The following TBC1D12 variants were observed in gnomAD, a reference collection of about 807,000 sequenced individuals.
TBC1D12 encodes the protein TBC1 domain family, member 12.
A neutral mutation model predicts 86.7 loss-of-function variants in TBC1D12; 56 were observed. The observed-to-expected ratio is 0.65, with a 90% CI of 0.52 to 0.81. TBC1D12 has a LOEUF of 0.81. Among genes scored for constraint, TBC1D12 ranks in the 30% least tolerant of loss-of-function variants. The pLI is 0.00. For missense variants in TBC1D12, 1,023 were observed against 1,038.8 expected, an observed-to-expected ratio of 0.98 and a Z score of 0.21; for synonymous variants, 421 against 411.7, an observed-to-expected ratio of 1.02 and a Z score of -0.27.
At chr10:94,504,936 GTAA>G (rs2056442118) in intron 6 of TBC1D12, among the ~76,000 whole-genome samples, 1 of 152,178 alleles carries the variant, frequency 6.6e-6, no homozygotes, top group Non-Finnish European at 1.5e-5. Flanking sequence ...TCAAAGCAAA[GTAA>G]GTGTGACATG....
chr10:94,487,111 CATAAAT>C (rs754937997), intron 3 of TBC1D12, among the ~76,000 whole-genome samples: 5 of 151,896 alleles, frequency 3.3e-5, no homozygotes, highest in Admixed American at 6.6e-5. Context: ...TTATGTCTGA[CATAAAT>C]ATAGCGACTC....
chr10:94,468,429 A>G (rs183866068), intron 2 of TBC1D12, among the ~76,000 whole-genome samples: 3 of 152,302 alleles, frequency 2.0e-5, no homozygotes, highest in African/African-American at 7.2e-5. Context: ...TTCACTTATG[A>G]AAGATATTTC....
At chr10:94,462,154 T>C (rs1308779744) in intron 2 of TBC1D12, among the ~76,000 whole-genome samples, 1 of 152,220 alleles carries the variant, frequency 6.6e-6, no homozygotes, top group Non-Finnish European at 1.5e-5. Context: ...AATACAATCA[T>C]CATTTAGTAA....
chr10:94,443,395 C>T (rs1258761952), intron 2 of TBC1D12, among the ~76,000 whole-genome samples: 4 of 152,192 alleles, frequency 2.6e-5, no homozygotes, highest in African/African-American at 7.2e-5. Context: ...ATGCTCCTGC[C>T]TCAGCTTCCT....
intron 3 of TBC1D12, among the ~76,000 whole-genome samples, chr10:94,478,497 T>G (rs1589645649): frequency 6.6e-6 from 1 of 152,000 alleles, no homozygotes; most frequent in Non-Finnish European, 1.5e-5. Flanking sequence ...GACCATGAGG[T>G]CAAAAGATTG....
At chr10:94,473,397 A>G (rs377004126) in intron 2 of TBC1D12, among the ~76,000 whole-genome samples, 4 of 151,880 alleles carry the variant, frequency 2.6e-5, no homozygotes, top group African/African-American at 9.7e-5. Flanking sequence ...AAAAAAGATT[A>G]TCAAATTTTT....
chr10:94,447,057 C>CA (rs35395527), intron 2 of TBC1D12, among the ~76,000 whole-genome samples: 39,729 of 100,078 alleles, frequency 0.4, 6,539 homozygotes, highest in East Asian at 0.69. Flanking sequence ...TGAGCTGTTT[C>CA]AAAAAAAAAA....
chr10:94,459,887 ACCT>A (rs2055698304), intron 2 of TBC1D12, among the ~76,000 whole-genome samples: 1 of 151,952 alleles, frequency 6.6e-6, no homozygotes, highest in Non-Finnish European at 1.5e-5. Flanking sequence ...CTCACTCCAC[ACCT>A]CCTGGCAAGT....
chr10:94,440,079 C>A lies in TBC1D12; in HGVS notation c.972-1817C>A, dbSNP rs577703330. Among the ~76,000 whole-genome samples the A allele has an allele frequency of 3.3e-5, 5 of 152,250 alleles. No homozygotes were observed. In the South Asian group the frequency reaches 1.0e-3, roughly 32 times the overall value. ...ACTGTACATGGTCTCTGAGGTGAAA[C>A]CTCCAGAGTATCTTAAAGTAGAAAT... On this transcript the variant is annotated intron_variant, in intron 1 of 12. Transcript: ENST00000225235.
At chr10:94,488,068 T>C (rs2056194182) in intron 3 of TBC1D12, among the ~76,000 whole-genome samples, 1 of 152,024 alleles carries the variant, frequency 6.6e-6, no homozygotes, top group Non-Finnish European at 1.5e-5. Flanking sequence ...TATTATTTTT[T>C]ATTGGTTCAT....
At chr10:94,523,142 G>A (rs1232364707) in intron 11 of TBC1D12, among the ~76,000 whole-genome samples, 4 of 125,122 alleles carry the variant, frequency 3.2e-5, no homozygotes, top group African/African-American at 1.2e-4. Flanking sequence ...GCAGTGAACC[G>A]AGATCACACC....
At chr10:94,442,756 T>C (rs1269298480) in intron 2 of TBC1D12, among the ~76,000 whole-genome samples, 1 of 152,192 alleles carries the variant, frequency 6.6e-6, no homozygotes, top group African/African-American at 2.4e-5. Context: ...AATTGTAGTT[T>C]ACCAAATTTA....
At chr10:94,457,260 C>G (rs191536463) in intron 2 of TBC1D12, among the ~76,000 whole-genome samples, 4 of 152,032 alleles carry the variant, frequency 2.6e-5, no homozygotes, top group Non-Finnish European at 5.9e-5. Flanking sequence ...CCCCTTGTCT[C>G]CCCACCCCCT....
rs199739029 is a variant in TBC1D12, at chr10:94,407,421, C to CCT, written c.971+3838_971+3839dup. Among the ~76,000 whole-genome samples, 398 of 152,322 alleles carry CCT rather than the reference C, an allele frequency of 2.6e-3. 9 individuals are homozygous for CCT. The East Asian group carries it at 0.061, about 24-fold the overall frequency. The stretch of plus-strand genomic sequence containing the variant: ...ATGCAGCTGGGCGCAGTGGCTCACG[C>CCT]CTGTAATCCCAACACTTTGGGAGGC... On this transcript the variant is annotated intron_variant, in intron 1 of 12. Transcript: ENST00000225235.
At position 94,510,036 on chromosome 10, in the gene TBC1D12, T is replaced by C. The variant is rs2056507349; in HGVS notation, c.1601-55T>C. The C allele has an allele frequency of 5.6e-6, 7 of 1,241,458 alleles. No individual in the cohort carries two copies. The Admixed American group carries it at 5.9e-5, about 10-fold the overall frequency. The allele number at this position is 1,241,458 out of a possible 1,614,324, so 76.9% of individuals were successfully genotyped here. On this transcript the variant is annotated intron_variant, in intron 7 of 12. Transcript: ENST00000225235. ...GTGTGATCATTCTGTATTTATAAAA[T>C]TGGACTTGTTAGAGCCAAGTGATCA... is the stretch of plus-strand genomic sequence containing the variant.
chr10:94,429,961 C>T (rs1347561917), intron 1 of TBC1D12, among the ~76,000 whole-genome samples: 1 of 152,152 alleles, frequency 6.6e-6, no homozygotes, highest in Non-Finnish European at 1.5e-5. Context: ...GTCTCGAACT[C>T]TTGGACGCAA....
At chr10:94,423,251 C>A (rs1365777033) in intron 1 of TBC1D12, among the ~76,000 whole-genome samples, 2 of 152,022 alleles carry the variant, frequency 1.3e-5, no homozygotes, top group Non-Finnish European at 2.9e-5. Flanking sequence ...TCTTTTCTGC[C>A]TCCTGATTGT....
Position 94,497,105 on chromosome 10 carries a change from C to A in TBC1D12, c.1345C>A (p.Gln449Lys). ...AAGAATCATGAAAGAACGATTTAAG[C>A]AGGAAGAAAATATTGCAAGTGCAAT... ...RKRIMKERFK[Q>K]EENIASAMVI... The change falls in exon 5 of 13, where the codon CAG becomes AAG. Residue 449 changes from glutamine to lysine, a missense_variant. Gln to Lys is a moderately conservative substitution (Grantham distance 53). This residue lies in a region of TBC1D12 where 395 missense variants were observed against 507.7 expected (regional missense o/e 0.78). Coordinates refer to ENST00000225235, the MANE Select transcript of TBC1D12 (RefSeq NM_015188.2). 6.4e-7 allele frequency: 1 copy of A among 1,566,066 alleles called. No individual in the cohort carries two copies.
chr10:94,459,104 TTGG>T (rs1468762808), intron 2 of TBC1D12, among the ~76,000 whole-genome samples: 2 of 150,944 alleles, frequency 1.3e-5, no homozygotes, highest in African/African-American at 2.4e-5. Flanking sequence ...AGAGAGCTGA[TTGG>T]TCCATTTTAC....
Sources: gnomAD v4.1 joint callset for allele counts (sites outside exome capture counted in the v4.1 genomes callset) on GRCh38, gnomAD v4.1.1 for gene constraint, gnomAD v4.1.1 regional missense constraint, MANE v1.5 for transcripts, NCBI Gene and HGNC (gene_info 2026-07-23, HGNC 2026-07-21) for gene names.